The following KCNIP1 variants were observed in gnomAD, a reference collection of about 807,000 sequenced individuals.
The protein encoded by KCNIP1 is A-type potassium channel modulatory protein KCNIP1.
Under a neutral mutation model 33.0 loss-of-function variants are expected in KCNIP1, and 18 were observed. The ratio of observed to expected loss-of-function variants is 0.55; its 90% CI spans 0.38 to 0.81. The LOEUF is 0.81. Ranked by LOEUF, KCNIP1 falls within the 30% of genes least tolerant of loss-of-function variation. The probability of loss-of-function intolerance (pLI) is 0.00; values close to 1 mark genes in which losing one functional copy is unlikely to be tolerated. For synonymous variants in KCNIP1, 93 were observed against 98.3 expected (o/e 0.95, Z 0.32); for missense variants, 238 against 271.6 (o/e 0.88, Z 0.87).
chr5:170,698,262 CTTAGAGAGGG>C (rs1002130000), intron 1 of KCNIP1, among the ~76,000 whole-genome samples: 5 of 152,138 alleles, frequency 3.3e-5, no homozygotes, highest in African/African-American at 1.2e-4. Flanking sequence ...CAAACTGAGG[CTTAGAGAGGG>C]TTAGTGACTT....
intron 1 of KCNIP1, among the ~76,000 whole-genome samples, chr5:170,510,812 C>T (rs2113264015): frequency 6.6e-6 from 1 of 152,180 alleles, no homozygotes; most frequent in South Asian, 2.1e-4. Flanking sequence ...AGTAGGATTG[C>T]ATTATGGCTA....
chr5:170,730,012 G>A (rs531279102), intron 5 of KCNIP1, among the ~76,000 whole-genome samples: 26 of 151,940 alleles, frequency 1.7e-4, no homozygotes, highest in Admixed American at 1.5e-3. Flanking sequence ...TACATATAAT[G>A]GAATAGCCAG....
At chr5:170,538,801 T>C (rs1465888002) in intron 1 of KCNIP1, among the ~76,000 whole-genome samples, 2 of 151,108 alleles carry the variant, frequency 1.3e-5, no homozygotes, top group African/African-American at 2.4e-5. Context: ...AAATCATTTG[T>C]CATATGTTCC....
intron 1 of KCNIP1, among the ~76,000 whole-genome samples, chr5:170,432,018 CTG>C (rs979029443): frequency 2.6e-5 from 4 of 151,522 alleles, no homozygotes; most frequent in Non-Finnish European, 5.9e-5. Context: ...CTCTCTCTCT[CTG>C]TGTCTCTCTC....
intron 1 of KCNIP1, among the ~76,000 whole-genome samples, chr5:170,607,639 G>A (rs1479372567): frequency 1.3e-5 from 2 of 152,310 alleles, no homozygotes; most frequent in Non-Finnish European, 1.5e-5. Flanking sequence ...GTCTTCTCAC[G>A]AAGGGTTCAT....
At chr5:170,477,229 G>A (rs929398341) in intron 1 of KCNIP1, among the ~76,000 whole-genome samples, 5 of 150,908 alleles carry the variant, frequency 3.3e-5, no homozygotes, top group African/African-American at 1.2e-4. Flanking sequence ...TTCACTCTGG[G>A]GAGATATATA....
At chr5:170,446,755 C>T (rs1466030721) in intron 1 of KCNIP1, among the ~76,000 whole-genome samples, 1 of 152,198 alleles carries the variant, frequency 6.6e-6, no homozygotes, top group African/African-American at 2.4e-5. Context: ...ACTTCTCCCA[C>T]TTCTATCTTC....
At chr5:170,608,742 G>C (rs183975709) in intron 1 of KCNIP1, among the ~76,000 whole-genome samples, 4 of 148,048 alleles carry the variant, frequency 2.7e-5, no homozygotes, top group Non-Finnish European at 6.0e-5. Flanking sequence ...CAGCCTGGGC[G>C]ACAGGGTGAA....
chr5:170,619,661 A>G (rs1759526481), intron 1 of KCNIP1, among the ~76,000 whole-genome samples: 1 of 152,212 alleles, frequency 6.6e-6, no homozygotes, highest in South Asian at 2.1e-4. Flanking sequence ...AGCAACAGAG[A>G]TAAGAGATAG....
chr5:170,609,928 A>G (rs1046433806), intron 1 of KCNIP1, among the ~76,000 whole-genome samples: 6 of 152,248 alleles, frequency 3.9e-5, no homozygotes, highest in Admixed American at 2.6e-4. Flanking sequence ...TGACAAATGG[A>G]AAAATGCAAG....
intron 1 of KCNIP1, among the ~76,000 whole-genome samples, chr5:170,495,716 T>C (rs1274957267): frequency 6.6e-6 from 1 of 152,250 alleles, no homozygotes; most frequent in Non-Finnish European, 1.5e-5. Context: ...CCGTGCCACC[T>C]CTGCCACAGG....
chr5:170,439,534 C>T (rs530142768), intron 1 of KCNIP1, among the ~76,000 whole-genome samples: 1 of 152,312 alleles, frequency 6.6e-6, no homozygotes, highest in South Asian at 2.1e-4. Context: ...TCAGCTGCCA[C>T]TCCACACGTA....
rs1554093874 is a variant in KCNIP1, at chr5:170,456,701, T to TTCTTTCTTTCTTTCTTTCTTTCTTTC, written c.88+102738_88+102739insCTTTCTTTCTTTCTTTCTTTCTTTCT. The stretch of plus-strand genomic sequence containing the variant: ...TTTCTTTCTTTCTCTCTCTCTCTCT[T>TTCTTTCTTTCTTTCTTTCTTTCTTTC]TTTCTTTCTTTCTTTCTTTCTTTCT... On this transcript the variant is annotated intron_variant, in intron 1 of 7. Transcript: ENST00000377360. Among the ~76,000 whole-genome samples, 105 of 135,766 alleles carry TTCTTTCTTTCTTTCTTTCTTTCTTTC rather than the reference T, an allele frequency of 7.7e-4. 1 individual carries two copies. The highest frequency in any genetic ancestry group is 2.9e-3 in the African/African-American group (96 of 33,408). The allele number at this position is 135,766 out of a possible 152,430, so 89.1% of individuals were successfully genotyped here. A position where few individuals can be genotyped will look rare whatever the true frequency, so the allele number is the denominator to read the frequency against.
chr5:170,688,052 G>A (rs1762601027), intron 1 of KCNIP1, among the ~76,000 whole-genome samples: 2 of 152,170 alleles, frequency 1.3e-5, no homozygotes, highest in Admixed American at 1.3e-4. Flanking sequence ...CTCTTACCAT[G>A]TGCCAAGCAA....
chr5:170,563,415 TCA>T (rs1757101500), intron 1 of KCNIP1, among the ~76,000 whole-genome samples: 1 of 152,192 alleles, frequency 6.6e-6, no homozygotes, highest in Non-Finnish European at 1.5e-5. Context: ...CATCACCTGC[TCA>T]CACACAGGGC....
intron 1 of KCNIP1, among the ~76,000 whole-genome samples, chr5:170,452,721 G>A (rs541083920): frequency 1.3e-5 from 2 of 152,266 alleles, no homozygotes; most frequent in African/African-American, 4.8e-5. Context: ...ACAAAGAAGC[G>A]AACTGTTACT....
At chr5:170,358,715 C>A (rs958958237) in intron 1 of KCNIP1, among the ~76,000 whole-genome samples, 1 of 152,212 alleles carries the variant, frequency 6.6e-6, no homozygotes, top group African/African-American at 2.4e-5. Context: ...CATTTTGTGC[C>A]CTAGGCACCT....
At chr5:170,374,225 AT>A (rs1184828333) in intron 1 of KCNIP1, among the ~76,000 whole-genome samples, 1 of 152,204 alleles carries the variant, frequency 6.6e-6, no homozygotes, top group African/African-American at 2.4e-5. Flanking sequence ...TAATATTTAT[AT>A]TGCATTATTT....
At chr5:170,429,963 A>T (rs1755704008) in intron 1 of KCNIP1, among the ~76,000 whole-genome samples, 1 of 152,212 alleles carries the variant, frequency 6.6e-6, no homozygotes, top group South Asian at 2.1e-4. Context: ...GGTATTTCAG[A>T]TCCTGACCTT....
Sources: allele counts gnomAD v4.1 joint callset (sites outside exome capture counted in the v4.1 genomes callset), GRCh38; gene constraint gnomAD v4.1.1; transcripts MANE v1.5; gene names NCBI Gene and HGNC (gene_info 2026-07-23, HGNC 2026-07-21).